Variants in HS6ST3 observed in about 807,000 individuals in gnomAD.
HS6ST3 encodes the protein heparan-sulfate 6-O-sulfotransferase 3.
Under a neutral mutation model 36.7 loss-of-function variants are expected in HS6ST3, and 12 were observed. The observed-to-expected ratio is 0.33, with a 90% CI of 0.21 to 0.53. The LOEUF is 0.53. HS6ST3 is among the 20% of genes least tolerant of loss of function. The pLI, the probability that HS6ST3 is intolerant of heterozygous loss-of-function variation, is 0.95. For synonymous variants in HS6ST3, 240 were observed against 257.5 expected (o/e 0.93, Z 0.65); for missense variants, 584 against 640.9 (o/e 0.91, Z 0.96).
intron 1 of HS6ST3, among the ~76,000 whole-genome samples, chr13:96,824,062 G>A (rs1878598572): frequency 6.6e-6 from 1 of 152,210 alleles, no homozygotes; most frequent in Non-Finnish European, 1.5e-5. Flanking sequence ...GTTATCAGAT[G>A]CATATGTGAG....
At chr13:96,563,333 G>T (rs1471422222) in intron 1 of HS6ST3, among the ~76,000 whole-genome samples, 1 of 152,050 alleles carries the variant, frequency 6.6e-6, no homozygotes, top group Non-Finnish European at 1.5e-5. Context: ...CAAACCCCAG[G>T]TATCATAGGC....
chr13:96,466,775 A>ATT (rs202228079), intron 1 of HS6ST3, among the ~76,000 whole-genome samples: 125,439 of 152,038 alleles, frequency 0.83, 53,508 homozygotes, highest in Non-Finnish European at 0.95. Flanking sequence ...ATGCAATTCT[A>ATT]TGTCAATTAT....
intron 1 of HS6ST3, among the ~76,000 whole-genome samples, chr13:96,631,190 G>A (rs892455548): frequency 2.6e-5 from 4 of 152,078 alleles, no homozygotes; most frequent in African/African-American, 9.7e-5. Context: ...GCACAGGGTT[G>A]GCATACACAA....
intron 1 of HS6ST3, among the ~76,000 whole-genome samples, chr13:96,512,081 T>G (rs561253952): frequency 1.4e-4 from 21 of 152,300 alleles, no homozygotes; most frequent in East Asian, 9.6e-4. Context: ...TAATTATATA[T>G]AGAGAGAGAT....
intron 1 of HS6ST3, among the ~76,000 whole-genome samples, chr13:96,215,138 A>G (rs1594719205): frequency 6.6e-6 from 1 of 152,300 alleles, no homozygotes; most frequent in Middle Eastern, 3.4e-3. Context: ...CGGGCCCTTT[A>G]TCTCTGTGTT....
At chr13:96,160,631 G>T (rs2054131205) in intron 1 of HS6ST3, among the ~76,000 whole-genome samples, 1 of 152,072 alleles carries the variant, frequency 6.6e-6, no homozygotes, top group African/African-American at 2.4e-5. Context: ...ATTTACTCTG[G>T]GTTACCTATT....
intron 1 of HS6ST3, among the ~76,000 whole-genome samples, chr13:96,676,443 A>T (rs1330186382): frequency 2.0e-5 from 3 of 152,172 alleles, no homozygotes; most frequent in African/African-American, 7.2e-5. Context: ...CATCATTGAC[A>T]TACCCAGTAC....
chr13:96,263,344 G>A (rs997954266), intron 1 of HS6ST3, among the ~76,000 whole-genome samples: 4 of 152,178 alleles, frequency 2.6e-5, no homozygotes, highest in Admixed American at 2.0e-4. Context: ...AGTTCAAGGA[G>A]CCCAGGTTGA....
At chr13:96,475,948 C>A (rs140124940) in intron 1 of HS6ST3, among the ~76,000 whole-genome samples, 68 of 152,250 alleles carry the variant, frequency 4.5e-4, no homozygotes, top group African/African-American at 1.6e-3. Flanking sequence ...ATAAACTAAC[C>A]GAAAAACCAT....
intron 1 of HS6ST3, among the ~76,000 whole-genome samples, chr13:96,374,253 A>G (rs1426769697): frequency 6.6e-6 from 1 of 152,220 alleles, no homozygotes; most frequent in Non-Finnish European, 1.5e-5. Context: ...TAGGAAGATA[A>G]TTCAACCTAA....
chr13:96,190,616 A>G (rs368937589), intron 1 of HS6ST3, among the ~76,000 whole-genome samples: 2 of 152,224 alleles, frequency 1.3e-5, no homozygotes, highest in East Asian at 3.8e-4. Context: ...GAACAAAACA[A>G]GCTTCTTGCT....
At chr13:96,658,307 G>A (rs1423267581) in intron 1 of HS6ST3, among the ~76,000 whole-genome samples, 3 of 52,838 alleles carry the variant, frequency 5.7e-5, no homozygotes, top group South Asian at 7.5e-4. Context: ...TTGAGATGGC[G>A]TCTCACTCTG....
At chr13:96,245,580 T>G (rs2054581017) in intron 1 of HS6ST3, among the ~76,000 whole-genome samples, 1 of 152,164 alleles carries the variant, frequency 6.6e-6, no homozygotes, top group South Asian at 2.1e-4. Context: ...TACAGATTAC[T>G]GATGTCAAGT....
chr13:96,133,160 G>A (rs2053984465), intron 1 of HS6ST3, among the ~76,000 whole-genome samples: 1 of 151,576 alleles, frequency 6.6e-6, no homozygotes, highest in Non-Finnish European at 1.5e-5. Flanking sequence ...ATGGAGTTTC[G>A]CTTTTTTGCC....
intron 1 of HS6ST3, among the ~76,000 whole-genome samples, chr13:96,395,142 T>C (rs1209198308): frequency 6.6e-6 from 1 of 152,162 alleles, no homozygotes; most frequent in Non-Finnish European, 1.5e-5. Context: ...TTGGAGAGAC[T>C]CTATTCCTTT....
chr13:96,379,533 A>G (rs932522409), intron 1 of HS6ST3, among the ~76,000 whole-genome samples: 26 of 152,212 alleles, frequency 1.7e-4, no homozygotes, highest in Admixed American at 1.3e-4. Context: ...TTTATAAACT[A>G]CCCAATCTAT....
intron 1 of HS6ST3, among the ~76,000 whole-genome samples, chr13:96,569,574 G>GA (rs2056293805): frequency 6.6e-6 from 1 of 151,636 alleles, no homozygotes; most frequent in South Asian, 2.1e-4. Context: ...AAAATGAAAA[G>GA]AAAAAAACTG....
chr13:96,833,383 T>C lies in HS6ST3; in HGVS notation c.*185T>C. 1.7e-6 allele frequency: 1 copy of C among 597,132 alleles called. No homozygotes were observed. Among genetic ancestry groups the C allele is most frequent in the Non-Finnish European group, 2.8e-6 (1 of 351,146 alleles). The allele number at this position is 597,132 out of a possible 1,614,324, so 37.0% of individuals were successfully genotyped here. On this transcript the variant is annotated 3_prime_UTR_variant, in exon 2 of 2. Transcript: ENST00000376705. ...AGATTATCCGTCTTGTTCTTTTTTT[T>C]CTTGACATTTTGCAATTGGTGATAT...
intron 1 of HS6ST3, among the ~76,000 whole-genome samples, chr13:96,816,685 T>G (rs779889827): frequency 1.3e-5 from 2 of 152,184 alleles, no homozygotes; most frequent in South Asian, 4.1e-4. Context: ...ACAAAAGTGC[T>G]CCTGCCCAGT....
Sources: allele counts gnomAD v4.1 joint callset (sites outside exome capture counted in the v4.1 genomes callset), GRCh38; gene constraint gnomAD v4.1.1; transcripts MANE v1.5; gene names NCBI Gene and HGNC (gene_info 2026-07-23, HGNC 2026-07-21).